SWT1: variants seen among roughly 807,000 people sequenced by gnomAD.
The protein encoded by SWT1 is transcriptional protein SWT1.
In SWT1, 33 loss-of-function variants were observed where a neutral mutation model predicts 107.3. That is an observed-to-expected ratio of 0.31 (90% confidence interval 0.23 to 0.41). The LOEUF (loss-of-function observed/expected upper bound fraction) is 0.41. SWT1 is among the 10% of genes least tolerant of loss of function. The pLI, the probability that SWT1 is intolerant of heterozygous loss-of-function variation, is 1.00. For synonymous variants in SWT1, 345 were observed against 348.3 expected, an observed-to-expected ratio of 0.99 and a Z score of 0.11; for missense variants, 898 against 1,028.9, an observed-to-expected ratio of 0.87 and a Z score of 1.74.
At chr1:185,262,369 G>GT (rs1663080072) in intron 16 of SWT1, 1 of 152,188 alleles carries the variant, frequency 6.6e-6, no homozygotes, top group Admixed American at 6.5e-5. Flanking sequence ...AGCATCCCAA[G>GT]TACTAAGATT....
intron 2 of SWT1, among the ~76,000 whole-genome samples, chr1:185,163,881 A>C (rs568588054): frequency 2.0e-4 from 31 of 152,330 alleles, no homozygotes; most frequent in Non-Finnish European, 3.8e-4. Flanking sequence ...CCCACAAATC[A>C]TGAGTGTTCT....
chr1:185,175,980 AATTAGTTT>A (rs1394528536), intron 5 of SWT1, among the ~76,000 whole-genome samples: 1 of 152,152 alleles, frequency 6.6e-6, no homozygotes, highest in East Asian at 1.9e-4. Flanking sequence ...ATCATGAAAG[AATTAGTTT>A]AGAAAGGTAT....
At position 185,175,072 on chromosome 1, in the gene SWT1, C is replaced by G. The variant is rs1017510811; in HGVS notation, c.925C>G (p.Gln309Glu). The change falls in exon 5 of 19, where the codon CAA becomes GAA. Residue 309 changes from glutamine to glutamate, a missense_variant. Transcript: ENST00000367500. Reference protein sequence around the residue: ...EWKRKHHYDHQESNDSHSREN... With the variant: ...EWKRKHHYDHEESNDSHSREN... The stretch of plus-strand genomic sequence containing the variant: ...GAAACGAAAACATCATTATGACCAT[C>G]AAGAAAGTAATGATTCACATTCTAG... 6.3e-7 allele frequency: 1 copy of G among 1,579,858 alleles called. No homozygotes were observed. Among genetic ancestry groups the G allele is most frequent in the African/African-American group, 1.4e-5 (1 of 73,210 alleles).
At chr1:185,235,246 G>T (rs1660781199) in intron 16 of SWT1, among the ~76,000 whole-genome samples, 1 of 152,062 alleles carries the variant, frequency 6.6e-6, no homozygotes, top group Non-Finnish European at 1.5e-5. Flanking sequence ...CCAAAACCTG[G>T]CAGAGACACA....
At chr1:185,251,615 C>G (rs1662026380) in intron 16 of SWT1, among the ~76,000 whole-genome samples, 1 of 151,984 alleles carries the variant, frequency 6.6e-6, no homozygotes, top group Non-Finnish European at 1.5e-5. Flanking sequence ...GTGAGACTTT[C>G]TGCCTAAAAG....
rs367968129 is a variant in SWT1 at position 185,174,551 on chromosome 1, T to G, written c.404T>G (p.Ile135Ser). ...TGTGTAGACTTTAAACCTAAAGATA[T>G]CAAATTGACAAATGCTGGGAGCAAG... The part of the protein sequence containing the change: ...HKCVDFKPKD[I>S]KLTNAGSKLD... The change falls in exon 5 of 19, where the codon ATC becomes AGC. Residue 135 changes from isoleucine to serine, a missense_variant. By Grantham distance (142) the Ile-to-Ser change is moderately radical. Coordinates refer to ENST00000367500, the MANE Select transcript of SWT1 (RefSeq NM_017673.7). 6.2e-7 allele frequency: 1 copy of G among 1,607,544 alleles called. No homozygotes were observed. The highest frequency in any genetic ancestry group is 1.7e-5 in the Admixed American group (1 of 58,272).
intron 10 of SWT1, among the ~76,000 whole-genome samples, chr1:185,199,159 A>G (rs191303102): frequency 7.2e-5 from 11 of 152,146 alleles, no homozygotes; most frequent in Middle Eastern, 3.4e-3. Flanking sequence ...GCTGGTCTGG[A>G]ACTCCTGGCC....
At chr1:185,254,812 C>T (rs1324040678) in intron 16 of SWT1, among the ~76,000 whole-genome samples, 1 of 150,100 alleles carries the variant, frequency 6.7e-6, no homozygotes, top group Non-Finnish European at 1.5e-5. Flanking sequence ...TATTTCTTGC[C>T]TTCTGCTAGC....
At chr1:185,178,945 A>G (rs962419041) in intron 5 of SWT1, among the ~76,000 whole-genome samples, 3 of 152,236 alleles carry the variant, frequency 2.0e-5, no homozygotes, top group Admixed American at 6.5e-5. Flanking sequence ...CTGAATTCTC[A>G]GTAAAGCATT....
chr1:185,242,226 A>G (rs944254036), intron 16 of SWT1, among the ~76,000 whole-genome samples: 4 of 152,176 alleles, frequency 2.6e-5, no homozygotes, highest in Non-Finnish European at 4.4e-5. Context: ...GTTAATGTGT[A>G]TATCAAATTT....
chr1:185,216,538 C>T (rs1298524762), intron 14 of SWT1, among the ~76,000 whole-genome samples: 8 of 152,056 alleles, frequency 5.3e-5, no homozygotes, highest in African/African-American at 9.7e-5. Flanking sequence ...AGTTTTTAAT[C>T]CTCTTCATCG....
At chr1:185,189,131 A>C (rs1267313660) in intron 9 of SWT1, among the ~76,000 whole-genome samples, 3 of 151,890 alleles carry the variant, frequency 2.0e-5, no homozygotes, top group Non-Finnish European at 2.9e-5. Context: ...TGACTACAGG[A>C]GTGTGCCACC....
chr1:185,163,041 A>G lies in SWT1; in HGVS notation c.84+2116A>G, dbSNP rs143913117. 4.5e-3 allele frequency among the ~76,000 whole-genome samples: 692 copies of G among 152,240 alleles called. 3 individuals carry two copies. The highest frequency in any genetic ancestry group is 0.01 in the Middle Eastern group (3 of 294). On this transcript the variant is annotated intron_variant, in intron 2 of 18. Transcript: ENST00000367500. ...TCATTTGAGTCTTCAGAGAGTCATA[A>G]TCTTTGCTGCTGGAGGGACTTGCCG... is the stretch of plus-strand genomic sequence containing the variant.
intron 10 of SWT1, among the ~76,000 whole-genome samples, chr1:185,194,697 C>T (rs1657239293): frequency 6.6e-6 from 1 of 152,054 alleles, no homozygotes; most frequent in Non-Finnish European, 1.5e-5. Context: ...TCAAGGCATT[C>T]TGCATTTTTG....
At position 185,286,903 on chromosome 1, in the gene SWT1, G is replaced by A. The variant is rs541859668; in HGVS notation, c.2574-3771G>A. On this transcript the variant is annotated intron_variant, in intron 18 of 18. Coordinates refer to ENST00000367500, the MANE Select transcript of SWT1 (RefSeq NM_017673.7). ...AATAGTGAAAGAAGCCTTCCTTATC[G>A]TGTTCTTGATCTGAGGAGGAAAGCA... 3.3e-5 allele frequency among the ~76,000 whole-genome samples: 5 copies of A among 152,220 alleles called. No homozygotes were observed. The East Asian group carries it at 7.7e-4, about 23-fold the overall frequency.
intron 17 of SWT1, among the ~76,000 whole-genome samples, chr1:185,274,628 A>T (rs1373013999): frequency 6.6e-6 from 1 of 152,158 alleles, no homozygotes; most frequent in Non-Finnish European, 1.5e-5. Context: ...TTTTTTAATT[A>T]AAAAGAAGCC....
intron 18 of SWT1, among the ~76,000 whole-genome samples, chr1:185,286,223 G>C: frequency 6.6e-6 from 1 of 151,962 alleles, no homozygotes; most frequent in East Asian, 1.9e-4. Context: ...CTTCAGCAGT[G>C]GTTTTTGTTT....
chr1:185,223,126 A>G (rs1013528451), intron 15 of SWT1, among the ~76,000 whole-genome samples: 2 of 152,174 alleles, frequency 1.3e-5, no homozygotes, highest in Admixed American at 6.5e-5. Context: ...GAACCTCTGT[A>G]CTATTTTACA....
At chr1:185,283,013 A>C (rs1187143837) in intron 18 of SWT1, among the ~76,000 whole-genome samples, 2 of 152,170 alleles carry the variant, frequency 1.3e-5, no homozygotes, top group Non-Finnish European at 2.9e-5. Flanking sequence ...TGAAGGATAA[A>C]TTAAAGGATA....
Sources: gnomAD v4.1 joint callset for allele counts (sites outside exome capture counted in the v4.1 genomes callset) on GRCh38, gnomAD v4.1.1 for gene constraint, MANE v1.5 for transcripts, NCBI Gene and HGNC (gene_info 2026-07-23, HGNC 2026-07-21) for gene names.